KTN1: variants seen among roughly 807,000 people sequenced by gnomAD.
The protein encoded by KTN1 is kinectin 1.
KTN1 carries 130 observed loss-of-function variants against 222.5 expected under a neutral mutation model. The ratio of observed to expected loss-of-function variants is 0.58; its 90% CI spans 0.51 to 0.68. KTN1 has a LOEUF of 0.68. KTN1 is among the 30% of genes least tolerant of loss of function. The pLI is 0.00. For synonymous variants in KTN1, 512 were observed against 496.3 expected (o/e 1.03, Z -0.42); for missense variants, 1,508 against 1,500.4 (o/e 1.01, Z -0.08).
At chr14:55,593,256 C>G (rs1323054976) in intron 1 of KTN1, among the ~76,000 whole-genome samples, 1 of 152,004 alleles carries the variant, frequency 6.6e-6, no homozygotes, top group Non-Finnish European at 1.5e-5. Flanking sequence ...CATAAAACAT[C>G]TGGTGTGAAT....
rs554214926 is a variant in KTN1 at position 55,640,221 on chromosome 14, T to A, written c.1915-153T>A. Among the ~76,000 whole-genome samples the A allele has an allele frequency of 4.6e-5, 7 of 152,028 alleles. No homozygotes were observed. In the South Asian group the frequency reaches 1.4e-3, roughly 31 times the overall value. On this transcript the variant is annotated intron_variant, in intron 14 of 43. Transcript: ENST00000395314. ...ATAATTTACAATAATTTGATAGGAA[T>A]ATGCTAAATAACAGGAATTGGTGGT...
intron 33 of KTN1, among the ~76,000 whole-genome samples, chr14:55,666,800 T>G (rs2141271729): frequency 6.6e-6 from 1 of 152,076 alleles, no homozygotes; most frequent in South Asian, 2.1e-4. Flanking sequence ...TGCCATGATG[T>G]TATATAGTCC....
chr14:55,646,558 C>CTCTCTT (rs781353123), intron 18 of KTN1, among the ~76,000 whole-genome samples: 1 of 110,520 alleles, frequency 9.0e-6, no homozygotes, highest in Admixed American at 1.1e-4. Flanking sequence ...CTCTCTTTCT[C>CTCTCTT]TCTCTTTCTC....
chr14:55,647,575 G>C (rs545937410), intron 19 of KTN1, among the ~76,000 whole-genome samples: 1 of 143,706 alleles, frequency 7.0e-6, no homozygotes, highest in Non-Finnish European at 1.5e-5. Flanking sequence ...AGAGGTTGCA[G>C]TGAGCCGAAA....
At position 55,667,291 on chromosome 14, in the gene KTN1, CA is replaced by C; in HGVS notation, c.3234del (p.Lys1078AsnfsTer12). 1 of 1,606,600 alleles carries C rather than the reference CA, an allele frequency of 6.2e-7. No homozygotes were observed. Among genetic ancestry groups the C allele is most frequent in the South Asian group, 1.1e-5 (1 of 90,110 alleles). On this transcript the variant is annotated frameshift_variant, in exon 34 of 44. Transcript: ENST00000395314. LOFTEE classifies it high-confidence loss of function. ...TTGAGTTGGAGGCTAAAGAAGTTCTCAAAAAATTATTTCCAAAGGTGTCTGT... is the reference window on the plus strand; with the variant it reads ...TTGAGTTGGAGGCTAAAGAAGTTCTCAAAAATTATTTCCAAAGGTGTCTGT... ...AVELEAKEVL[K>X]KLFPKVSVPS...
chr14:55,650,227 A>T (rs892236257), intron 22 of KTN1, 101 bp from the exon 23 acceptor site: 6 of 746,682 alleles, frequency 8.0e-6, no homozygotes, highest in Non-Finnish European at 1.1e-5. Flanking sequence ...AAAATGGGAA[A>T]GGGTTGATTT....
intron 1 of KTN1, among the ~76,000 whole-genome samples, chr14:55,601,003 T>G (rs2035896847): frequency 6.6e-6 from 1 of 152,180 alleles, no homozygotes; most frequent in Admixed American, 6.5e-5. Context: ...GTCTAAAAGA[T>G]ACTTTCAGCA....
chr14:55,585,131 CAAAAAAA>C (rs752597184), intron 1 of KTN1, among the ~76,000 whole-genome samples: 910 of 54,548 alleles, frequency 0.017, 4 homozygotes, highest in Middle Eastern at 0.048. Context: ...GACTGTGTCT[CAAAAAAA>C]AAAAAAAAAA....
intron 14 of KTN1, 149 bp from the exon 15 acceptor site, chr14:55,640,225 C>T (rs2041630656): frequency 1.5e-6 from 1 of 662,786 alleles, no homozygotes; most frequent in Non-Finnish European, 2.6e-6. Context: ...TAGGAATATG[C>T]TAAATAACAG....
At chr14:55,634,494 C>G (rs34111199) in intron 8 of KTN1, 32 bp from the exon 9 acceptor site, 13 of 1,559,104 alleles carry the variant, frequency 8.3e-6, no homozygotes, top group Non-Finnish European at 1.1e-5. Flanking sequence ...TTTGTAATAA[C>G]GGAAGGCTCC....
intron 18 of KTN1, chr14:55,644,194 G>A: frequency 2.5e-6 from 1 of 397,666 alleles, no homozygotes; most frequent in Non-Finnish European, 4.5e-6. Context: ...GCTAGTGAAA[G>A]AAGAGAAAAG....
At chr14:55,598,410 C>T (rs2035415772) in intron 1 of KTN1, among the ~76,000 whole-genome samples, 1 of 142,504 alleles carries the variant, frequency 7.0e-6, no homozygotes, top group Non-Finnish European at 1.5e-5. Flanking sequence ...ACTCCAGCCT[C>T]GGCGACAGAG....
At chr14:55,627,867 C>A in intron 5 of KTN1, 45 bp from the exon 6 acceptor site, 2 of 1,080,360 alleles carry the variant, frequency 1.9e-6, no homozygotes, top group Admixed American at 1.7e-5. Flanking sequence ...TTTTTATTAG[C>A]CCATGGTAAC....
chr14:55,639,932 C>G lies in KTN1; in HGVS notation c.1843C>G (p.Gln615Glu). ...LHKVIAEKDK[Q>E]IKQTEDSLAS... The stretch of plus-strand genomic sequence containing the variant: ...CTAAAGGATTGCAGAAAAGGATAAG[C>G]AGATAAAACAGACTGAAGATTCTTT... Residue 615 changes from glutamine (Q) to glutamate (E), a missense_variant, in exon 14 of 44, where the codon CAG (glutamine) becomes GAG (glutamate). Physicochemically the swap from Gln to Glu is conservative, Grantham distance 29 (BLOSUM62 2). Transcript: ENST00000395314. The G allele has an allele frequency of 6.2e-7, 1 of 1,602,758 alleles. No individual in the cohort carries two copies. Among genetic ancestry groups the G allele is most frequent in the Non-Finnish European group, 8.5e-7 (1 of 1,170,790 alleles).
At chr14:55,678,606 T>A in intron 42 of KTN1, 162 bp downstream of exon 42, 1 of 589,962 alleles carries the variant, frequency 1.7e-6, no homozygotes, top group Non-Finnish European at 3.0e-6. Context: ...TTTTGCTTAT[T>A]GAGGTATGTT....
Position 55,621,238 on chromosome 14 carries a change from A to G in KTN1, c.963+1926A>G, listed in dbSNP as rs539192143. On this transcript the variant is annotated intron_variant, in intron 5 of 43. Coordinates refer to ENST00000395314, the MANE Select transcript of KTN1 (RefSeq NM_001079521.2). ...GCATTTTGGTCAAAGCTATTCAGCA[A>G]GTCTCTAGGAAGTTCTAAACTTTCC... Among the ~76,000 whole-genome samples, 9 of 152,250 alleles carry G rather than the reference A, an allele frequency of 5.9e-5. No individual in the cohort carries two copies. The East Asian group carries it at 1.5e-3, about 26-fold the overall frequency.
chr14:55,644,193 A>G (rs1022830701), intron 18 of KTN1: 1 of 440,406 alleles, frequency 2.3e-6, no homozygotes, highest in Non-Finnish European at 4.0e-6. Context: ...TGCTAGTGAA[A>G]GAAGAGAAAA....
chr14:55,636,764 A>G (rs573433683), intron 10 of KTN1, among the ~76,000 whole-genome samples: 1 of 152,166 alleles, frequency 6.6e-6, no homozygotes, highest in East Asian at 1.9e-4. Context: ...ATTATAGTAC[A>G]TGATAGGTTA....
At chr14:55,635,958 C>A (rs1594993532) in intron 9 of KTN1, among the ~76,000 whole-genome samples, 1 of 151,840 alleles carries the variant, frequency 6.6e-6, no homozygotes, top group Non-Finnish European at 1.5e-5. Flanking sequence ...GGCATAGATA[C>A]GGAAGTCTGT....
Sources: allele counts gnomAD v4.1 joint callset (sites outside exome capture counted in the v4.1 genomes callset), GRCh38; gene constraint gnomAD v4.1.1; transcripts MANE v1.5; gene names NCBI Gene and HGNC (gene_info 2026-07-23, HGNC 2026-07-21).